PDE4B: variants seen among roughly 807,000 people sequenced by gnomAD.
PDE4B encodes 3',5'-cyclic-AMP phosphodiesterase 4B.
Under a neutral mutation model 82.2 loss-of-function variants are expected in PDE4B, and 20 were observed. That is an observed-to-expected ratio of 0.24 (90% CI 0.17 to 0.35). The LOEUF (loss-of-function observed/expected upper bound fraction) is 0.35. Among genes scored for constraint, PDE4B ranks in the 10% least tolerant of loss-of-function variants. PDE4B has a pLI of 1.00. For synonymous variants in PDE4B, 320 were observed against 318.9 expected, an observed-to-expected ratio of 1.00 and a Z score of -0.04; for missense variants, 655 against 907.2, an observed-to-expected ratio of 0.72 and a Z score of 3.57.
chr1:66,206,715 G>C (rs1557634075), intron 3 of PDE4B, among the ~76,000 whole-genome samples: 1 of 152,130 alleles, frequency 6.6e-6, no homozygotes, highest in East Asian at 1.9e-4. Flanking sequence ...CAGGTGATCT[G>C]GGTGTGGCTT....
chr1:65,989,175 A>G (rs1379511894), intron 3 of PDE4B, among the ~76,000 whole-genome samples: 2 of 152,092 alleles, frequency 1.3e-5, no homozygotes, highest in Non-Finnish European at 2.9e-5. Flanking sequence ...TATTGCTTTG[A>G]CAGGATGTGA....
intron 7 of PDE4B, among the ~76,000 whole-genome samples, chr1:66,295,190 A>G (rs754599013): frequency 5.3e-5 from 8 of 152,138 alleles, no homozygotes; most frequent in Non-Finnish European, 1.2e-4. Context: ...CCCAGCAGGA[A>G]TAAATAGTAG....
intron 3 of PDE4B, among the ~76,000 whole-genome samples, chr1:66,161,627 A>G (rs150764804): frequency 0.01 from 1,568 of 152,174 alleles, 29 homozygotes; most frequent in African/African-American, 0.036. Context: ...ATTATTATTT[A>G]TATTTCTCCT....
chr1:66,054,273 C>T (rs1273333746), intron 3 of PDE4B, among the ~76,000 whole-genome samples: 1 of 152,134 alleles, frequency 6.6e-6, no homozygotes, highest in African/African-American at 2.4e-5. Context: ...TAGACAGGAA[C>T]ATGCATTCGG....
chr1:65,983,792 A>G lies in PDE4B; in HGVS notation c.281+64957A>G, dbSNP rs563567832. ...ACCACCCACTCATTTGTACTTTGTTATGGAAGCCCTAATAACGTAATATAT... is the reference window on the plus strand; with the variant it reads ...ACCACCCACTCATTTGTACTTTGTTGTGGAAGCCCTAATAACGTAATATAT... On this transcript the variant is annotated intron_variant, in intron 3 of 16. Coordinates refer to ENST00000341517, the MANE Select transcript of PDE4B (RefSeq NM_002600.4). Among the ~76,000 whole-genome samples, 3 of 121,418 alleles carry G rather than the reference A, an allele frequency of 2.5e-5. No individual in the cohort carries two copies. The East Asian group carries it at 7.4e-4, about 30-fold the overall frequency. 79.7% of individuals were successfully genotyped at this position (121,418 alleles called of 152,430 possible). A position where few individuals can be genotyped will look rare whatever the true frequency, so the allele number is the denominator to read the frequency against.
intron 7 of PDE4B, among the ~76,000 whole-genome samples, chr1:66,310,241 A>G (rs1658572727): frequency 6.6e-6 from 1 of 152,180 alleles, no homozygotes. Context: ...CCCACATTTC[A>G]TAGCAGAAGA....
At chr1:65,802,455 A>C (rs1645704453) in intron 1 of PDE4B, among the ~76,000 whole-genome samples, 1 of 152,194 alleles carries the variant, frequency 6.6e-6, no homozygotes, top group Non-Finnish European at 1.5e-5. Flanking sequence ...TGCATCTGGT[A>C]GACTTCTAAT....
chr1:66,152,887 G>A (rs1646431841), intron 3 of PDE4B, among the ~76,000 whole-genome samples: 1 of 152,040 alleles, frequency 6.6e-6, no homozygotes, highest in Non-Finnish European at 1.5e-5. Context: ...ATGTGTTTTT[G>A]CTCTTAAGGT....
chr1:66,164,416 A>G (rs1290651745), intron 3 of PDE4B, among the ~76,000 whole-genome samples: 1 of 151,410 alleles, frequency 6.6e-6, no homozygotes, highest in East Asian at 2.0e-4. Flanking sequence ...GGTGCCTGTA[A>G]TCTCAGCTAC....
chr1:65,945,139 T>C (rs1282708518), intron 3 of PDE4B, among the ~76,000 whole-genome samples: 1 of 151,936 alleles, frequency 6.6e-6, no homozygotes, highest in Non-Finnish European at 1.5e-5. Flanking sequence ...TAATGGCTAT[T>C]GGTTTAAAGT....
chr1:66,038,792 A>G (rs1654199723), intron 3 of PDE4B, among the ~76,000 whole-genome samples: 1 of 152,138 alleles, frequency 6.6e-6, no homozygotes, highest in South Asian at 2.1e-4. Context: ...AGACCAGGTC[A>G]AGTGGAAGAT....
chr1:66,180,195 A>G (rs112369732), intron 3 of PDE4B, among the ~76,000 whole-genome samples: 2,366 of 152,312 alleles, frequency 0.016, 56 homozygotes, highest in African/African-American at 0.054. Context: ...GTCTGTCATG[A>G]TAAAGTATTT....
chr1:66,055,836 TATGTTAG>T (rs1165613778), intron 3 of PDE4B, among the ~76,000 whole-genome samples: 1 of 152,194 alleles, frequency 6.6e-6, no homozygotes, highest in Non-Finnish European at 1.5e-5. Flanking sequence ...AGCATGTTGA[TATGTTAG>T]ATGTTAGATT....
At chr1:66,091,494 T>C (rs757687223) in intron 3 of PDE4B, among the ~76,000 whole-genome samples, 1 of 152,088 alleles carries the variant, frequency 6.6e-6, no homozygotes, top group Non-Finnish European at 1.5e-5. Context: ...CAAAGTAAAA[T>C]CACATGGTTA....
chr1:66,241,876 C>G (rs1017500719), intron 3 of PDE4B, among the ~76,000 whole-genome samples: 2 of 152,180 alleles, frequency 1.3e-5, no homozygotes, highest in Non-Finnish European at 2.9e-5. Flanking sequence ...GAGGTCATCA[C>G]CTGCCAGAGG....
intron 3 of PDE4B, among the ~76,000 whole-genome samples, chr1:66,167,729 A>C (rs1646762881): frequency 6.6e-6 from 1 of 152,240 alleles, no homozygotes; most frequent in Non-Finnish European, 1.5e-5. Flanking sequence ...CAAGAGTACA[A>C]GCAAAGTCTC....
At position 65,981,519 on chromosome 1, in the gene PDE4B, A is replaced by G. The variant is rs182709094; in HGVS notation, c.281+62684A>G. On this transcript the variant is annotated intron_variant, in intron 3 of 16. Transcript: ENST00000341517. The stretch of plus-strand genomic sequence containing the variant: ...AATACAGTGTGTTGTATTTATGTGT[A>G]TATAAATATGGCGTATTCATGTTTC... 3.0e-3 allele frequency among the ~76,000 whole-genome samples: 450 copies of G among 148,910 alleles called. 3 individuals are homozygous for G. Among genetic ancestry groups the G allele is most frequent in the African/African-American group, 0.01 (423 of 40,646 alleles).
intron 3 of PDE4B, among the ~76,000 whole-genome samples, chr1:66,112,053 TG>T (rs1645499119): frequency 6.6e-6 from 1 of 152,078 alleles, no homozygotes; most frequent in Non-Finnish European, 1.5e-5. Context: ...CAAAGAGCAA[TG>T]TATATAAAAA....
intron 16 of PDE4B, among the ~76,000 whole-genome samples, chr1:66,370,056 C>T (rs1409360233): frequency 1.4e-5 from 2 of 140,550 alleles, no homozygotes; most frequent in Non-Finnish European, 3.0e-5. Flanking sequence ...GAAGCTGAGA[C>T]AGGAAAATTG....
Sources: gnomAD v4.1 joint callset for allele counts (sites outside exome capture counted in the v4.1 genomes callset) on GRCh38, gnomAD v4.1.1 for gene constraint, MANE v1.5 for transcripts, NCBI Gene and HGNC (gene_info 2026-07-23, HGNC 2026-07-21) for gene names.